Variants in HIKESHI observed in about 807,000 individuals in gnomAD.
HIKESHI encodes protein Hikeshi.
Under a neutral mutation model 25.7 loss-of-function variants are expected in HIKESHI, and 13 were observed. That is an observed-to-expected ratio of 0.51 (90% confidence interval 0.33 to 0.80). The LOEUF (loss-of-function observed/expected upper bound fraction) is 0.80. HIKESHI is among the 30% of genes least tolerant of loss of function. HIKESHI has a pLI of 0.02. For synonymous variants in HIKESHI, 76 were observed against 78.7 expected, an observed-to-expected ratio of 0.97 and a Z score of 0.18; for missense variants, 174 against 229.5, an observed-to-expected ratio of 0.76 and a Z score of 1.56.
At chr11:86,325,331 G>A (rs956882933) in intron 2 of HIKESHI, among the ~76,000 whole-genome samples, 2 of 152,132 alleles carry the variant, frequency 1.3e-5, no homozygotes, top group Non-Finnish European at 2.9e-5. Context: ...TGTACTTGTA[G>A]GGTGTCTTAA....
At chr11:86,302,768 C>G (rs2053388078) in intron 1 of HIKESHI, among the ~76,000 whole-genome samples, 1 of 152,152 alleles carries the variant, frequency 6.6e-6, no homozygotes, top group African/African-American at 2.4e-5. Flanking sequence ...TTATGTGTGG[C>G]GCTTATTTGG....
intron 2 of HIKESHI, 101 bp downstream of exon 2, chr11:86,306,583 T>G: frequency 4.3e-6 from 3 of 699,472 alleles, no homozygotes; most frequent in Non-Finnish European, 6.9e-6. Context: ...TGTGTTTTTC[T>G]GGTTGTTAAA....
At chr11:86,311,937 A>T (rs1946845510) in intron 2 of HIKESHI, among the ~76,000 whole-genome samples, 1 of 151,936 alleles carries the variant, frequency 6.6e-6, no homozygotes, top group African/African-American at 2.4e-5. Context: ...GTTTGTTATA[A>T]TTTTTTTTCT....
intron 2 of HIKESHI, 21 bp downstream of exon 2, chr11:86,306,503 T>C (rs371650421): frequency 2.7e-4 from 382 of 1,418,872 alleles, no homozygotes; most frequent in Middle Eastern, 2.4e-3. Context: ...TATATTAAAG[T>C]AGTTTTATAA....
In HIKESHI at chr11:86,321,764, A is replaced by G. The variant is rs1225866163; in HGVS notation, c.268+15282A>G. Among the ~76,000 whole-genome samples the G allele has an allele frequency of 2.0e-5, 3 of 152,260 alleles. No individual in the cohort carries two copies. In the East Asian group the frequency reaches 5.8e-4, roughly 29 times the overall value. ...AAGCTGGTCTCGAACTCCTGACCTC[A>G]GGTGATCTGCCTGCCTCAGCCTCCC... On this transcript the variant is annotated intron_variant, in intron 2 of 4. Transcript: ENST00000278483.
chr11:86,312,248 A>G (rs1420415572), intron 2 of HIKESHI, among the ~76,000 whole-genome samples: 3 of 152,080 alleles, frequency 2.0e-5, no homozygotes, highest in Non-Finnish European at 2.9e-5. Context: ...GTGCCCCTGT[A>G]TTGGGTGCAT....
rs145192001 is a variant in HIKESHI at position 86,328,830 on chromosome 11, G to A, written c.269-8549G>A. 9.8e-3 allele frequency among the ~76,000 whole-genome samples: 1,487 copies of A among 151,988 alleles called. 16 individuals carry two copies. The highest frequency in any genetic ancestry group is 0.016 in the Non-Finnish European group (1,099 of 67,936). On this transcript the variant is annotated intron_variant, in intron 2 of 4. Coordinates refer to ENST00000278483, the MANE Select transcript of HIKESHI (RefSeq NM_016401.4). ...GGTCTTGAGTAATCCACCTGCCGTGGCCTCCCAAAGTGCTGGGATTACAGG... is the reference window on the plus strand; with the variant it reads ...GGTCTTGAGTAATCCACCTGCCGTGACCTCCCAAAGTGCTGGGATTACAGG...
intron 2 of HIKESHI, among the ~76,000 whole-genome samples, chr11:86,319,242 A>ATATATATATATATT (rs1383589741): frequency 1.1e-5 from 1 of 94,952 alleles, no homozygotes. Context: ...ATATATATAT[A>ATATATATATATATT]TTTTTTTTTT....
At chr11:86,339,882 C>A (rs549658585) in intron 3 of HIKESHI, among the ~76,000 whole-genome samples, 1 of 152,206 alleles carries the variant, frequency 6.6e-6, no homozygotes, top group Admixed American at 6.5e-5. Flanking sequence ...TCTCCTAATG[C>A]TATCCTTCCC....
At chr11:86,316,326 A>G (rs1946977054) in intron 2 of HIKESHI, among the ~76,000 whole-genome samples, 1 of 151,682 alleles carries the variant, frequency 6.6e-6, no homozygotes, top group Non-Finnish European at 1.5e-5. Context: ...AGCCTGGCCA[A>G]CATTGTAAAA....
At chr11:86,342,581 G>T (rs958848495) in intron 3 of HIKESHI, among the ~76,000 whole-genome samples, 37 of 151,850 alleles carry the variant, frequency 2.4e-4, no homozygotes, top group Admixed American at 2.3e-3. Context: ...CTCAAGCAGA[G>T]CCTAAGATGT....
intron 1 of HIKESHI, among the ~76,000 whole-genome samples, chr11:86,304,582 T>C (rs1946570266): frequency 6.7e-6 from 1 of 149,712 alleles, no homozygotes; most frequent in Non-Finnish European, 1.5e-5. Context: ...AATGGTGTGA[T>C]CTCTGCTCAT....
At chr11:86,339,122 T>C (rs1947648958) in intron 3 of HIKESHI, among the ~76,000 whole-genome samples, 1 of 152,222 alleles carries the variant, frequency 6.6e-6, no homozygotes, top group Non-Finnish European at 1.5e-5. Flanking sequence ...CTCGGCTCAC[T>C]GCAAGCTCCG....
rs114159691 is a variant in HIKESHI at position 86,336,054 on chromosome 11, A to G, written c.269-1325A>G. Among the ~76,000 whole-genome samples, 276 of 152,360 alleles carry G rather than the reference A, an allele frequency of 1.8e-3. 1 individual carries two copies. The highest frequency in any genetic ancestry group is 6.5e-3 in the African/African-American group (271 of 41,592). On this transcript the variant is annotated intron_variant, in intron 2 of 4. Coordinates refer to ENST00000278483, the MANE Select transcript of HIKESHI (RefSeq NM_016401.4). The stretch of plus-strand genomic sequence containing the variant: ...AATAGAGAATATCAATATAGAAATT[A>G]TAGAAAGGAACTAAACAGAGTTTAT...
chr11:86,330,956 G>A (rs751001236), intron 2 of HIKESHI, among the ~76,000 whole-genome samples: 33 of 151,988 alleles, frequency 2.2e-4, no homozygotes, highest in Non-Finnish European at 3.7e-4. Flanking sequence ...GATATGATTC[G>A]TTATGGATCT....
intron 2 of HIKESHI, 77 bp from the exon 3 acceptor site, chr11:86,337,302 T>A (rs1947590565): frequency 7.2e-7 from 1 of 1,379,958 alleles, no homozygotes; most frequent in Non-Finnish European, 9.8e-7. Context: ...AATTAGAGGT[T>A]CTTTATAAAT....
chr11:86,302,930 G>A (rs745312501), intron 1 of HIKESHI, among the ~76,000 whole-genome samples: 11 of 152,164 alleles, frequency 7.2e-5, no homozygotes, highest in Non-Finnish European at 1.2e-4. Context: ...ATAGCAAACT[G>A]TTTTTCAAAG....
At chr11:86,326,367 C>A in intron 2 of HIKESHI, 1 of 374,216 alleles carries the variant, frequency 2.7e-6, no homozygotes, top group East Asian at 7.6e-5. Context: ...ATATGTGTGG[C>A]TATAAGGTCT....
At chr11:86,316,409 G>A (rs1437197373) in intron 2 of HIKESHI, among the ~76,000 whole-genome samples, 1 of 152,130 alleles carries the variant, frequency 6.6e-6, no homozygotes, top group Non-Finnish European at 1.5e-5. Context: ...CTACTTGGCA[G>A]TCTGAGGCAG....
Sources: gnomAD v4.1 joint callset for allele counts (sites outside exome capture counted in the v4.1 genomes callset) on GRCh38, gnomAD v4.1.1 for gene constraint, MANE v1.5 for transcripts, NCBI Gene and HGNC (gene_info 2026-07-23, HGNC 2026-07-21) for gene names.